The following EPS8 variants were observed in gnomAD, a reference collection of about 807,000 sequenced individuals.
EPS8 encodes the protein EGFR pathway substrate 8, signaling adaptor, also known as epidermal growth factor receptor kinase substrate 8.
EPS8 carries 42 observed loss-of-function variants against 103.8 expected under a neutral mutation model. The observed-to-expected ratio is 0.40, with a 90% CI of 0.32 to 0.52. The LOEUF is 0.52. Ranked by LOEUF, EPS8 falls within the 20% of genes least tolerant of loss-of-function variation. The probability of loss-of-function intolerance (pLI) is 0.40; values close to 1 mark genes in which losing one functional copy is unlikely to be tolerated. For synonymous variants in EPS8, 344 were observed against 344.6 expected, an observed-to-expected ratio of 1.00 and a Z score of 0.02; for missense variants, 969 against 1,005.1, an observed-to-expected ratio of 0.96 and a Z score of 0.49.
chr12:15,708,768 T>C (rs1427548007), intron 1 of EPS8, among the ~76,000 whole-genome samples: 2 of 152,234 alleles, frequency 1.3e-5, no homozygotes, highest in East Asian at 3.8e-4. Flanking sequence ...ACTGTATTTA[T>C]TCTCACACTA....
chr12:15,785,030 A>G lies in EPS8; in HGVS notation c.-22+4131T>C, dbSNP rs1173044637. Among the ~76,000 whole-genome samples, 4 of 152,122 alleles carry G rather than the reference A, an allele frequency of 2.6e-5. No individual in the cohort carries two copies. Among genetic ancestry groups the G allele is most frequent in the African/African-American group, 4.8e-5 (2 of 41,448 alleles). Reference sequence around the variant, plus strand: ...TTATTCGGTATGATACTATGATCCTATAAGGATAGCTACATCAAATTAAGT... The same window carrying G: ...TTATTCGGTATGATACTATGATCCTGTAAGGATAGCTACATCAAATTAAGT... On this transcript the variant is annotated intron_variant, in intron 1 of 20. Transcript: ENST00000281172. The surrounding 1 kb of genome is among the most constrained non-coding windows in gnomAD (Gnocchi z 4.9).
chr12:15,643,740 GAAAAAAA>G lies in EPS8; in HGVS notation c.1569-1917_1569-1911del, dbSNP rs56952348. ...GGCGACAAGAGCAAAACTCTGTCTC[GAAAAAAA>G]AAAAAAAAAAAAAAAGAGGTACCAA... On this transcript the variant is annotated intron_variant, in intron 15 of 20. Transcript: ENST00000281172. Among the ~76,000 whole-genome samples the G allele has an allele frequency of 1.2e-4, 9 of 76,992 alleles. 1 individual carries two copies. Among genetic ancestry groups the G allele is most frequent in the African/African-American group, 4.6e-4 (9 of 19,458 alleles). 50.5% of individuals were successfully genotyped at this position (76,992 alleles called of 152,430 possible). A position where few individuals can be genotyped will look rare whatever the true frequency, so the allele number is the denominator to read the frequency against.
At chr12:15,711,032 G>C (rs1946455535) in intron 1 of EPS8, among the ~76,000 whole-genome samples, 1 of 140,796 alleles carries the variant, frequency 7.1e-6, no homozygotes, top group Non-Finnish European at 1.5e-5. Flanking sequence ...ACCATGCCAG[G>C]CTTATTTATT....
At chr12:15,703,097 CAA>C (rs1170328339) in intron 1 of EPS8, among the ~76,000 whole-genome samples, 1 of 152,142 alleles carries the variant, frequency 6.6e-6, no homozygotes, top group Non-Finnish European at 1.5e-5. Flanking sequence ...TGCAGTGAGC[CAA>C]GATCACGCCA....
chr12:15,658,238 G>T (rs1253330634), intron 11 of EPS8, 85 bp from the exon 12 acceptor site: 16 of 852,376 alleles, frequency 1.9e-5, no homozygotes, highest in Non-Finnish European at 3.1e-5. Flanking sequence ...AGAGGGGACG[G>T]TCTTTACCAC....
intron 1 of EPS8, among the ~76,000 whole-genome samples, chr12:15,715,874 G>A (rs190985162): frequency 4.5e-4 from 68 of 151,454 alleles, no homozygotes; most frequent in African/African-American, 1.5e-3. Flanking sequence ...TGCAACAGAA[G>A]GACATTAGGG....
In EPS8 at chr12:15,778,625, C is replaced by T. The variant is rs544384699; in HGVS notation, c.-22+10536G>A. 3.3e-5 allele frequency among the ~76,000 whole-genome samples: 5 copies of T among 152,192 alleles called. No individual in the cohort carries two copies. In the South Asian group the frequency reaches 6.2e-4, roughly 19 times the overall value. ...AGATAGGGTTTCAAAAATTCACATTCCTGGATTAAAGAATAATATTTGTAA... is the reference window on the plus strand; with the variant it reads ...AGATAGGGTTTCAAAAATTCACATTTCTGGATTAAAGAATAATATTTGTAA... On this transcript the variant is annotated intron_variant, in intron 1 of 20. Transcript: ENST00000281172. This position sits in a 1 kb window ranked among gnomAD's most constrained non-coding sequence, Gnocchi z 4.5.
chr12:15,634,794 T>G (rs1271603077), intron 17 of EPS8: 2 of 398,714 alleles, frequency 5.0e-6, no homozygotes, highest in Non-Finnish European at 8.9e-6. Flanking sequence ...TCACATCAAA[T>G]GAGAAAATTA....
chr12:15,753,401 C>T (rs1302498336), intron 1 of EPS8, among the ~76,000 whole-genome samples: 1 of 152,086 alleles, frequency 6.6e-6, no homozygotes. Flanking sequence ...TTCTTGATAG[C>T]TTCAAATAGC....
chr12:15,779,111 T>A lies in EPS8; in HGVS notation c.-22+10050A>T, dbSNP rs894626175. 6.6e-6 allele frequency among the ~76,000 whole-genome samples: 1 copy of A among 152,134 alleles called. No individual in the cohort carries two copies. The highest frequency in any genetic ancestry group is 1.5e-5 in the Non-Finnish European group (1 of 68,016). Reference sequence around the variant, plus strand: ...CTCCTGCCTCAGCCTCCCGAGTAGCTGGGATTACAGGTATGTGCCTCCAAG... The same window carrying A: ...CTCCTGCCTCAGCCTCCCGAGTAGCAGGGATTACAGGTATGTGCCTCCAAG... On this transcript the variant is annotated intron_variant, in intron 1 of 20. Transcript: ENST00000281172. This position sits in a 1 kb window ranked among gnomAD's most constrained non-coding sequence, Gnocchi z 4.3.
chr12:15,729,192 T>C (rs1946686378), intron 1 of EPS8, among the ~76,000 whole-genome samples: 1 of 152,176 alleles, frequency 6.6e-6, no homozygotes, highest in South Asian at 2.1e-4. Context: ...TCTTTGAATT[T>C]CTGCAATTTG....
At chr12:15,730,510 C>G (rs756442238) in intron 1 of EPS8, among the ~76,000 whole-genome samples, 3 of 152,006 alleles carry the variant, frequency 2.0e-5, no homozygotes, top group Non-Finnish European at 4.4e-5. Flanking sequence ...AATAAAGATT[C>G]AACAAGATAC....
chr12:15,659,108 G>A (rs1945558944), intron 10 of EPS8, among the ~76,000 whole-genome samples: 1 of 152,116 alleles, frequency 6.6e-6, no homozygotes, highest in South Asian at 2.1e-4. Context: ...ACAAGGAAAG[G>A]GGGAATTGCA....
In EPS8 at chr12:15,665,946, T is replaced by A. The variant is rs4363660; in HGVS notation, c.600-54A>T. 1,454,562 of 1,557,944 alleles carry A rather than the reference T, an allele frequency of 0.93. 693,006 individuals are homozygous for A. The highest frequency in any genetic ancestry group is 0.97 in the Non-Finnish European group (1,106,427 of 1,141,346). ...TTACCATCTCTATTTCTATAACATA[T>A]CAATTAACTCAACTTGTGGTACTAG... On this transcript the variant is annotated intron_variant, in intron 7 of 20. Coordinates refer to ENST00000281172, the MANE Select transcript of EPS8 (RefSeq NM_004447.6).
intron 9 of EPS8, 132 bp downstream of exon 9, chr12:15,661,894 T>C (rs1945611474): frequency 7.3e-6 from 5 of 686,294 alleles, no homozygotes; most frequent in South Asian, 6.3e-5. Context: ...TCAAAGGGCA[T>C]AGCCATCACA....
intron 1 of EPS8, among the ~76,000 whole-genome samples, chr12:15,729,960 T>A (rs533467945): frequency 2.6e-5 from 4 of 152,162 alleles, no homozygotes; most frequent in Non-Finnish European, 5.9e-5. Context: ...CCTGTTTAAA[T>A]ACATTTTGAT....
chr12:15,624,361 T>A lies in EPS8; in HGVS notation c.2091A>T (p.Arg697Ser). The change falls in exon 19 of 21, where the codon AGA becomes AGT. Residue 697 changes from arginine (R) to serine (S), a missense_variant. Coordinates refer to ENST00000281172, the MANE Select transcript of EPS8 (RefSeq NM_004447.6). ...GAGCGGCACTCCGACCAATGGTCAG[T>A]CTGTGGATGAGTTCATCTTGCACTT... ...MEEVQDELIH[R>S]LTIGRSAAQK... 1 of 1,599,402 alleles carries A rather than the reference T, an allele frequency of 6.3e-7. No homozygotes were observed. The highest frequency in any genetic ancestry group is 8.5e-7 in the Non-Finnish European group (1 of 1,169,968).
chr12:15,758,152 C>T (rs1947006738), intron 1 of EPS8, among the ~76,000 whole-genome samples: 1 of 152,188 alleles, frequency 6.6e-6, no homozygotes, highest in African/African-American at 2.4e-5. Flanking sequence ...TCATTGGTCA[C>T]CTGTCAGTCA....
At chr12:15,766,171 A>AAAAG (rs961889857) in intron 1 of EPS8, among the ~76,000 whole-genome samples, 2 of 151,810 alleles carry the variant, frequency 1.3e-5, no homozygotes, top group African/African-American at 2.4e-5. Flanking sequence ...AGTGTTTAAA[A>AAAAG]AAAGAAAGAA....
Sources: gnomAD v4.1 joint callset for allele counts (sites outside exome capture counted in the v4.1 genomes callset) on GRCh38, gnomAD v4.1.1 for gene constraint, Gnocchi (gnomAD v3.1) non-coding constraint, MANE v1.5 for transcripts, NCBI Gene and HGNC (gene_info 2026-07-23, HGNC 2026-07-21) for gene names.